The following CFAP299 variants were observed in gnomAD, a reference collection of about 807,000 sequenced individuals.
CFAP299 encodes the protein cilia and flagella associated protein 299, also known as cilia- and flagella-associated protein 299.
In CFAP299, 21 loss-of-function variants were observed where a neutral mutation model predicts 27.0. The observed-to-expected ratio is 0.78, with a 90% CI of 0.55 to 1.12. CFAP299 has a LOEUF of 1.12. CFAP299 is among the 50% of genes most tolerant of loss of function. The pLI is 0.00. For missense variants in CFAP299, 310 were observed against 276.6 expected (o/e 1.12, Z -0.86); for synonymous variants, 104 against 98.1 (o/e 1.06, Z -0.36).
At chr4:80,757,601 T>C (rs2110075477) in intron 3 of CFAP299, among the ~76,000 whole-genome samples, 1 of 152,338 alleles carries the variant, frequency 6.6e-6, no homozygotes, top group East Asian at 1.9e-4. Flanking sequence ...GATTCCACTA[T>C]TTGGTCAGTT....
At chr4:80,411,370 A>G (rs1266012191) in intron 2 of CFAP299, among the ~76,000 whole-genome samples, 3 of 152,124 alleles carry the variant, frequency 2.0e-5, no homozygotes, top group East Asian at 1.9e-4. Flanking sequence ...TAGTTTTATC[A>G]CTGCCTAAGG....
At chr4:80,656,190 A>G (rs892576682) in intron 3 of CFAP299, among the ~76,000 whole-genome samples, 12 of 152,146 alleles carry the variant, frequency 7.9e-5, no homozygotes, top group Non-Finnish European at 1.5e-5. Context: ...ACTAAAAAAA[A>G]GACTATTATT....
chr4:80,876,225 G>A (rs536477039), intron 4 of CFAP299, among the ~76,000 whole-genome samples: 16 of 151,268 alleles, frequency 1.1e-4, no homozygotes, highest in Non-Finnish European at 1.6e-4. Flanking sequence ...GACCTGATAT[G>A]GTTTGGCTGT....
At chr4:80,928,463 A>G (rs117270666) in intron 4 of CFAP299, among the ~76,000 whole-genome samples, 15 of 152,126 alleles carry the variant, frequency 9.9e-5, no homozygotes, top group Admixed American at 6.6e-5. Flanking sequence ...ATCCACAGAT[A>G]TGAAGGAAAA....
rs568711305 is a variant in CFAP299, at chr4:80,558,469, C to T, written c.243-24624C>T. Among the ~76,000 whole-genome samples the T allele has an allele frequency of 2.6e-5, 4 of 150,962 alleles. No individual in the cohort carries two copies. The East Asian group carries it at 7.8e-4, about 29-fold the overall frequency. ...AAATGGCTGGTGTGCAAATCAATTC[C>T]TGCAGTCCTGACAAAGGTAGCTTAG... is the stretch of plus-strand genomic sequence containing the variant. On this transcript the variant is annotated intron_variant, in intron 2 of 5. Transcript: ENST00000358105.
intron 3 of CFAP299, among the ~76,000 whole-genome samples, chr4:80,696,106 C>A (rs1410771437): frequency 6.6e-6 from 1 of 151,924 alleles, no homozygotes; most frequent in Non-Finnish European, 1.5e-5. Context: ...TTGAGACCAG[C>A]CTGGCTAGCT....
intron 2 of CFAP299, among the ~76,000 whole-genome samples, chr4:80,539,615 G>T (rs889852853): frequency 5.3e-5 from 8 of 152,056 alleles, no homozygotes; most frequent in African/African-American, 1.4e-4. Context: ...GCAGGTAGTG[G>T]GTATGGAGTT....
intron 2 of CFAP299, among the ~76,000 whole-genome samples, chr4:80,435,132 C>T (rs911654349): frequency 6.6e-6 from 1 of 152,164 alleles, no homozygotes; most frequent in Non-Finnish European, 1.5e-5. Context: ...GCAACTTTTC[C>T]TGTACTTCAA....
intron 2 of CFAP299, among the ~76,000 whole-genome samples, chr4:80,548,926 T>TA (rs1394882609): frequency 6.6e-6 from 1 of 151,922 alleles, no homozygotes; most frequent in African/African-American, 2.4e-5. Flanking sequence ...AAGCAGGAGT[T>TA]AGGGAGACAA....
At chr4:80,576,024 G>A (rs540815895) in intron 2 of CFAP299, among the ~76,000 whole-genome samples, 45 of 151,642 alleles carry the variant, frequency 3.0e-4, no homozygotes, top group Middle Eastern at 3.4e-3. Flanking sequence ...ATCACAAACC[G>A]GGGCCTGTTG....
intron 2 of CFAP299, among the ~76,000 whole-genome samples, chr4:80,505,594 T>C (rs957668628): frequency 1.1e-4 from 17 of 152,038 alleles, no homozygotes; most frequent in African/African-American, 3.9e-4. Flanking sequence ...GGCAAGACAC[T>C]TGAATACTAA....
intron 3 of CFAP299, among the ~76,000 whole-genome samples, chr4:80,764,406 ACGC>A (rs756162803): frequency 6.6e-6 from 1 of 152,238 alleles, no homozygotes; most frequent in Non-Finnish European, 1.5e-5. Flanking sequence ...ATACCATCTC[ACGC>A]CAGTTAGAAT....
At chr4:80,671,039 G>T (rs1265907592) in intron 3 of CFAP299, among the ~76,000 whole-genome samples, 1 of 152,138 alleles carries the variant, frequency 6.6e-6, no homozygotes, top group Non-Finnish European at 1.5e-5. Context: ...ATTGCTTTTG[G>T]TGTTTTAGTC....
intron 3 of CFAP299, among the ~76,000 whole-genome samples, chr4:80,747,745 T>C (rs956470584): frequency 6.6e-6 from 1 of 152,058 alleles, no homozygotes; most frequent in Non-Finnish European, 1.5e-5. Context: ...CCAAATGTTA[T>C]GATATCTGAC....
the CFAP299 span, among the ~76,000 whole-genome samples, chr4:80,326,635 C>A: frequency 6.6e-6 from 1 of 152,154 alleles, no homozygotes; most frequent in Non-Finnish European, 1.5e-5. Context: ...TTTCTTCTGA[C>A]TACTTTCTAT....
chr4:80,560,625 AG>A (rs1427728805), intron 2 of CFAP299, among the ~76,000 whole-genome samples: 1 of 152,118 alleles, frequency 6.6e-6, no homozygotes, highest in Non-Finnish European at 1.5e-5. Context: ...ATTCATGACA[AG>A]CTGACTAAAG....
At chr4:80,609,229 A>G (rs544362126) in intron 3 of CFAP299, among the ~76,000 whole-genome samples, 1 of 152,200 alleles carries the variant, frequency 6.6e-6, no homozygotes, top group Non-Finnish European at 1.5e-5. Flanking sequence ...GTAAACAGGA[A>G]TATTGCCTTG....
At chr4:80,822,152 C>T (rs1729742543) in intron 3 of CFAP299, among the ~76,000 whole-genome samples, 1 of 152,222 alleles carries the variant, frequency 6.6e-6, no homozygotes, top group South Asian at 2.1e-4. Context: ...CTTATTATTC[C>T]AGTTTTTCGG....
intron 3 of CFAP299, among the ~76,000 whole-genome samples, chr4:80,773,974 G>A (rs1465889496): frequency 6.6e-6 from 1 of 151,990 alleles, no homozygotes; most frequent in Non-Finnish European, 1.5e-5. Flanking sequence ...TACATCAGAT[G>A]TAGTTGAAAA....
Sources: allele counts gnomAD v4.1 joint callset (sites outside exome capture counted in the v4.1 genomes callset), GRCh38; gene constraint gnomAD v4.1.1; transcripts MANE v1.5; gene names NCBI Gene and HGNC (gene_info 2026-07-23, HGNC 2026-07-21).